CUX1: variants seen among roughly 807,000 people sequenced by gnomAD.
CUX1 encodes protein CASP.
In CUX1, 31 loss-of-function variants were observed where a neutral mutation model predicts 158.8. The observed-to-expected ratio is 0.20, with a 90% CI of 0.15 to 0.26. CUX1 has a LOEUF of 0.26. Ranked by LOEUF, CUX1 falls within the 10% of genes least tolerant of loss-of-function variation. The probability of loss-of-function intolerance (pLI) is 1.00; values close to 1 mark genes in which losing one functional copy is unlikely to be tolerated. For missense variants in CUX1, 1,589 were observed against 2,014.6 expected, an observed-to-expected ratio of 0.79 and a Z score of 4.04; for synonymous variants, 879 against 862.1, an observed-to-expected ratio of 1.02 and a Z score of -0.34.
At chr7:102,229,159 C>T (rs1798676601) in intron 21 of CUX1, among the ~76,000 whole-genome samples, 1 of 152,228 alleles carries the variant, frequency 6.6e-6, no homozygotes, top group Non-Finnish European at 1.5e-5. Context: ...CACTCCGTCA[C>T]CCTGGCATCC....
intron 8 of CUX1, among the ~76,000 whole-genome samples, chr7:102,142,419 T>A (rs782079806): frequency 6.6e-6 from 1 of 152,048 alleles, no homozygotes; most frequent in Non-Finnish European, 1.5e-5. Context: ...TTAAAAACAA[T>A]GGGTATAGAT....
At chr7:102,219,553 C>A (rs1554526137) in intron 20 of CUX1, among the ~76,000 whole-genome samples, 1 of 152,214 alleles carries the variant, frequency 6.6e-6, no homozygotes, top group Non-Finnish European at 1.5e-5. Flanking sequence ...GGGAATTGGA[C>A]CTTCGCGTCG....
intron 1 of CUX1, among the ~76,000 whole-genome samples, chr7:101,856,299 G>A (rs1048232591): frequency 6.6e-6 from 1 of 151,554 alleles, no homozygotes; most frequent in Non-Finnish European, 1.5e-5. Context: ...CGTTAATCAC[G>A]ACCCATAATA....
intron 8 of CUX1, chr7:102,125,758 CATAA>C (rs1832563218): frequency 6.7e-6 from 1 of 149,842 alleles, no homozygotes; most frequent in Non-Finnish European, 1.5e-5. Context: ...TATGAATATA[CATAA>C]ATAATTTTTT....
intron 1 of CUX1, chr7:101,913,231 C>A: frequency 2.2e-6 from 1 of 451,546 alleles, no homozygotes; most frequent in Non-Finnish European, 3.7e-6. Flanking sequence ...GCGGCGGCAG[C>A]TCAGTCTCTC....
At chr7:102,076,079 T>C (rs1311112239) in intron 4 of CUX1, among the ~76,000 whole-genome samples, 3 of 151,788 alleles carry the variant, frequency 2.0e-5, no homozygotes, top group African/African-American at 7.3e-5. Context: ...TTCTATAATT[T>C]CCTTCACATT....
intron 17 of CUX1, among the ~76,000 whole-genome samples, chr7:102,277,611 TAAAAATAAAAATA>T (rs1554548005): frequency 2.0e-5 from 3 of 151,558 alleles, no homozygotes; most frequent in Admixed American, 1.3e-4. Context: ...AAAAAAATAA[TAAAAATAAAAATA>T]AAAAATAAAA....
intron 2 of CUX1, among the ~76,000 whole-genome samples, chr7:102,014,686 G>A (rs979767343): frequency 1.3e-5 from 2 of 152,062 alleles, no homozygotes; most frequent in Admixed American, 6.6e-5. Flanking sequence ...GTCTCTGAGC[G>A]TCTTTAAACA....
chr7:102,028,736 T>G (rs984086466), intron 3 of CUX1, among the ~76,000 whole-genome samples: 4 of 152,364 alleles, frequency 2.6e-5, no homozygotes, highest in African/African-American at 4.8e-5. Context: ...CCTGGCTACC[T>G]GTTAGCGGGA....
Position 102,128,803 on chromosome 7 carries a change from C to G in CUX1, c.674+13530C>G, listed in dbSNP as rs998845793. On this transcript the variant is annotated intron_variant, in intron 8 of 23. Transcript: ENST00000292535. ...GACCAGACTGGCCAACATGAGGAAA[C>G]CCTGTCTCTATTAAAAATACAAAAA... Among the ~76,000 whole-genome samples, 4 of 151,954 alleles carry G rather than the reference C, an allele frequency of 2.6e-5. 1 individual carries two copies. Among genetic ancestry groups the G allele is most frequent in the Admixed American group, 2.6e-4 (4 of 15,216 alleles).
intron 12 of CUX1, among the ~76,000 whole-genome samples, chr7:102,192,668 C>T (rs1794404677): frequency 6.6e-6 from 1 of 152,124 alleles, no homozygotes; most frequent in Non-Finnish European, 1.5e-5. Flanking sequence ...GGTGTGGTGG[C>T]TCACACTAGG....
intron 2 of CUX1, among the ~76,000 whole-genome samples, chr7:101,985,279 G>T (rs1430253981): frequency 2.0e-5 from 3 of 152,144 alleles, no homozygotes; most frequent in Non-Finnish European, 4.4e-5. Flanking sequence ...GGAGAGGGGG[G>T]TCGTGCGGGG....
At chr7:102,223,144 C>T (rs1313688248) in intron 20 of CUX1, among the ~76,000 whole-genome samples, 3 of 151,614 alleles carry the variant, frequency 2.0e-5, no homozygotes, top group South Asian at 2.1e-4. Context: ...GGGAAGTGGC[C>T]GGGCACAGTG....
At chr7:101,873,219 T>C (rs1363365262) in intron 1 of CUX1, among the ~76,000 whole-genome samples, 1 of 148,626 alleles carries the variant, frequency 6.7e-6, no homozygotes, top group East Asian at 2.0e-4. Context: ...TTAAGTTCCA[T>C]AGTACATGTG....
In CUX1 at chr7:102,088,020, CAG is replaced by C. The variant is rs1216649853; in HGVS notation, c.269-9341_269-9340del. Reference sequence around the variant, plus strand: ...CTCACCCTTTTTTTTTTTTTTAAGACAGAGTCTTGCTCTGTCACCCAGGCTGG... The same window carrying C: ...CTCACCCTTTTTTTTTTTTTTAAGACAGTCTTGCTCTGTCACCCAGGCTGG... On this transcript the variant is annotated intron_variant, in intron 4 of 23. Transcript: ENST00000292535. 2.6e-4 allele frequency among the ~76,000 whole-genome samples: 38 copies of C among 146,694 alleles called. No homozygotes were observed. In the East Asian group the frequency reaches 6.2e-3, roughly 24 times the overall value.
intron 1 of CUX1, among the ~76,000 whole-genome samples, chr7:101,847,310 A>C (rs1173237320): frequency 6.6e-6 from 1 of 152,168 alleles, no homozygotes; most frequent in Non-Finnish European, 1.5e-5. Flanking sequence ...GTTACCTGGA[A>C]ATGGCAGCCC....
intron 20 of CUX1, among the ~76,000 whole-genome samples, chr7:102,226,728 G>A (rs1798379952): frequency 6.6e-6 from 1 of 152,050 alleles, no homozygotes; most frequent in African/African-American, 2.4e-5. Flanking sequence ...CCTCCTGGGT[G>A]CAAGTGATTC....
intron 20 of CUX1, among the ~76,000 whole-genome samples, chr7:102,209,454 G>C (rs906234203): frequency 6.7e-6 from 1 of 149,908 alleles, no homozygotes; most frequent in African/African-American, 2.5e-5. Flanking sequence ...TGAGCGGTAG[G>C]TTCCATGCCA....
At chr7:102,280,921 C>T in intron 20 of CUX1, 4 of 1,495,738 alleles carry the variant, frequency 2.7e-6, no homozygotes, top group South Asian at 2.3e-5. Context: ...TCTCCAGGCA[C>T]CTCTTCACCT....
Sources: gnomAD v4.1 joint callset for allele counts (sites outside exome capture counted in the v4.1 genomes callset) on GRCh38, gnomAD v4.1.1 for gene constraint, MANE v1.5 for transcripts, NCBI Gene and HGNC (gene_info 2026-07-23, HGNC 2026-07-21) for gene names.